Variants in ASIC2 observed in about 807,000 individuals in gnomAD.
ASIC2 encodes the protein acid-sensing ion channel 2.
Under a neutral mutation model 57.3 loss-of-function variants are expected in ASIC2, and 25 were observed. The observed-to-expected ratio is 0.44, with a 90% CI of 0.32 to 0.61. The LOEUF (loss-of-function observed/expected upper bound fraction) is 0.61, where lower values mean the gene tolerates loss of function less well. Among genes scored for constraint, ASIC2 ranks in the 20% least tolerant of loss-of-function variants. The pLI, the probability that ASIC2 is intolerant of heterozygous loss-of-function variation, is 0.06. For missense variants in ASIC2, 641 were observed against 738.1 expected, an observed-to-expected ratio of 0.87 and a Z score of 1.52; for synonymous variants, 319 against 307.5, an observed-to-expected ratio of 1.04 and a Z score of -0.39.
intron 1 of ASIC2, among the ~76,000 whole-genome samples, chr17:33,642,622 G>A (rs1463603773): frequency 6.6e-6 from 1 of 152,158 alleles, no homozygotes; most frequent in Non-Finnish European, 1.5e-5. Context: ...CTTCTATCCT[G>A]TCAGAAGTCA....
At chr17:33,833,933 C>T (rs1299340912) in intron 1 of ASIC2, 1 of 152,188 alleles carries the variant, frequency 6.6e-6, no homozygotes, top group Non-Finnish European at 1.5e-5. Context: ...CTTGGTGGCA[C>T]ACACCTGTAA....
intron 1 of ASIC2, among the ~76,000 whole-genome samples, chr17:33,779,618 G>T (rs941229995): frequency 6.6e-6 from 1 of 152,182 alleles, no homozygotes; most frequent in African/African-American, 2.4e-5. Context: ...GGGGGTTGTG[G>T]GGAAAGTGTG....
At chr17:34,035,655 G>T (rs1907844492) in intron 1 of ASIC2, among the ~76,000 whole-genome samples, 1 of 152,022 alleles carries the variant, frequency 6.6e-6, no homozygotes, top group African/African-American at 2.4e-5. Context: ...CTAATATCTA[G>T]AATCTACAAT....
chr17:33,778,401 A>T (rs1911348693), intron 1 of ASIC2, among the ~76,000 whole-genome samples: 1 of 152,180 alleles, frequency 6.6e-6, no homozygotes, highest in Non-Finnish European at 1.5e-5. Flanking sequence ...AACACCTTTT[A>T]GCTAGTTTAT....
intron 1 of ASIC2, among the ~76,000 whole-genome samples, chr17:34,095,503 T>C (rs1369232793): frequency 6.6e-6 from 1 of 151,606 alleles, no homozygotes; most frequent in Admixed American, 6.6e-5. Context: ...GCATCTTTCA[T>C]CTCCAAATAT....
intron 1 of ASIC2, among the ~76,000 whole-genome samples, chr17:33,428,981 C>A (rs1160057609): frequency 6.6e-6 from 1 of 152,094 alleles, no homozygotes; most frequent in Non-Finnish European, 1.5e-5. Flanking sequence ...ATGAAACCTG[C>A]AATAAAGTAA....
At chr17:33,815,059 G>A (rs934579870) in intron 1 of ASIC2, among the ~76,000 whole-genome samples, 2 of 151,926 alleles carry the variant, frequency 1.3e-5, no homozygotes, top group South Asian at 4.1e-4. Flanking sequence ...CAGTGTAGGT[G>A]TGGTGTGGGC....
intron 1 of ASIC2, among the ~76,000 whole-genome samples, chr17:33,505,160 C>T (rs59748744): frequency 0.029 from 4,447 of 152,040 alleles, 86 homozygotes; most frequent in African/African-American, 0.048. Context: ...GGGCGGGGCA[C>T]GTGAGCAGTA....
chr17:33,834,503 C>G (rs912263670), intron 1 of ASIC2: 2 of 152,310 alleles, frequency 1.3e-5, no homozygotes, highest in South Asian at 2.1e-4. Flanking sequence ...CAGTTAACCA[C>G]AGTCTCCTCA....
At chr17:33,211,379 T>G (rs1907265484) in intron 1 of ASIC2, among the ~76,000 whole-genome samples, 1 of 152,058 alleles carries the variant, frequency 6.6e-6, no homozygotes, top group African/African-American at 2.4e-5. Context: ...AAATGGGCAC[T>G]CAGGACTCCT....
chr17:33,272,334 C>T (rs1904528193), intron 1 of ASIC2, among the ~76,000 whole-genome samples: 1 of 152,172 alleles, frequency 6.6e-6, no homozygotes, highest in Admixed American at 6.5e-5. Flanking sequence ...CTCATGAAGG[C>T]AAGGACTGTG....
intron 1 of ASIC2, among the ~76,000 whole-genome samples, chr17:33,194,072 C>A (rs1399488759): frequency 6.6e-6 from 1 of 152,180 alleles, no homozygotes; most frequent in Non-Finnish European, 1.5e-5. Context: ...TGGGCACCAG[C>A]CTCCAGGGAC....
At chr17:33,880,283 C>T (rs554373166) in intron 1 of ASIC2, among the ~76,000 whole-genome samples, 24 of 152,018 alleles carry the variant, frequency 1.6e-4, no homozygotes, top group Non-Finnish European at 2.5e-4. Context: ...AATAGAGACA[C>T]AAAAAACCCT....
At chr17:33,147,515 G>A (rs1237331817) in intron 1 of ASIC2, among the ~76,000 whole-genome samples, 2 of 152,122 alleles carry the variant, frequency 1.3e-5, no homozygotes, top group Non-Finnish European at 2.9e-5. Context: ...CAGAGGAAGT[G>A]TTGTTCTCTC....
chr17:33,218,910 A>G (rs1430629560), intron 1 of ASIC2, among the ~76,000 whole-genome samples: 1 of 152,140 alleles, frequency 6.6e-6, no homozygotes, highest in African/African-American at 2.4e-5. Flanking sequence ...TCTGCCACGC[A>G]TGTTTTCCAA....
intron 1 of ASIC2, among the ~76,000 whole-genome samples, chr17:33,908,387 G>A (rs1373552906): frequency 6.6e-6 from 1 of 152,232 alleles, no homozygotes; most frequent in Non-Finnish European, 1.5e-5. Flanking sequence ...ATTTTCTGCT[G>A]TGTACATAGA....
At chr17:33,477,623 T>C (rs1913272538) in intron 1 of ASIC2, among the ~76,000 whole-genome samples, 1 of 152,214 alleles carries the variant, frequency 6.6e-6, no homozygotes. Flanking sequence ...ACTAGATCCT[T>C]ACCATGTCCC....
At chr17:33,020,171 C>G (rs1467775307) in intron 7 of ASIC2, among the ~76,000 whole-genome samples, 1 of 152,126 alleles carries the variant, frequency 6.6e-6, no homozygotes, top group African/African-American at 2.4e-5. Context: ...CCTGGACACA[C>G]CAGCTGAGCC....
intron 1 of ASIC2, among the ~76,000 whole-genome samples, chr17:33,678,878 T>C (rs1316786750): frequency 6.6e-6 from 1 of 152,120 alleles, no homozygotes; most frequent in Non-Finnish European, 1.5e-5. Flanking sequence ...GGGAGACAAA[T>C]GGAGCAAGTG....
Sources: allele counts gnomAD v4.1 joint callset (sites outside exome capture counted in the v4.1 genomes callset), GRCh38; gene constraint gnomAD v4.1.1; transcripts MANE v1.5; gene names NCBI Gene and HGNC (gene_info 2026-07-23, HGNC 2026-07-21).